Variants in CHD7 observed in about 807,000 individuals in gnomAD.
CHD7 encodes ATP-dependent chromatin remodeler CHD7.
In CHD7, 24 loss-of-function variants were observed where a neutral mutation model predicts 307.3. The ratio of observed to expected loss-of-function variants is 0.08; its 90% CI spans 0.06 to 0.11. The LOEUF (loss-of-function observed/expected upper bound fraction) is 0.11. Ranked by LOEUF, CHD7 falls within the 10% of genes least tolerant of loss-of-function variation. The pLI is 1.00. For missense variants in CHD7, 3,106 were observed against 3,727.1 expected, an observed-to-expected ratio of 0.83 and a Z score of 4.34; for synonymous variants, 1,363 against 1,349.9, an observed-to-expected ratio of 1.01 and a Z score of -0.21.
chr8:60,830,494 G>A lies in CHD7; in HGVS notation c.3695G>A (p.Gly1232Asp), dbSNP rs759363907. Reference protein sequence around the residue: ...LEKNFTFLSKGGGQANVPNLL... With the variant: ...LEKNFTFLSKDGGQANVPNLL... ...AAGAATTTCACATTTCTTTCCAAAG[G>A]CGGTGGTCAAGCTAACGTACCTAAC... Residue 1232 changes from glycine (G) to aspartate (D), a missense_variant, in exon 15 of 38, where the codon GGC (glycine) becomes GAC (aspartate). Gly to Asp is a moderately conservative substitution (Grantham distance 94). Around this residue, in one of 10 missense-constraint regions of CHD7, gnomAD observed 232 missense variants for 422.5 expected, o/e 0.55. Coordinates refer to ENST00000423902, the MANE Select transcript of CHD7 (RefSeq NM_017780.4). The A allele has an allele frequency of 4.3e-6, 7 of 1,613,830 alleles. No individual in the cohort carries two copies. Among genetic ancestry groups the A allele is most frequent in the African/African-American group, 4.0e-5 (3 of 74,900 alleles).
intron 6 of CHD7, among the ~76,000 whole-genome samples, chr8:60,802,830 G>A (rs1031646897): frequency 2.0e-5 from 3 of 152,192 alleles, no homozygotes; most frequent in Non-Finnish European, 4.4e-5. Flanking sequence ...TATTGCACCA[G>A]CAGTAAACTT....
At chr8:60,864,403 A>T (rs1309658620) in intron 37 of CHD7, 1 of 152,624 alleles carries the variant, frequency 6.6e-6, no homozygotes, top group Non-Finnish European at 1.5e-5. Context: ...TACAAGCATG[A>T]ACCACGGCAC....
intron 1 of CHD7, among the ~76,000 whole-genome samples, chr8:60,704,263 A>T (rs1476662747): frequency 1.3e-5 from 2 of 152,176 alleles, no homozygotes; most frequent in Non-Finnish European, 2.9e-5. Context: ...AGTGTTGGGG[A>T]TGCAGGGGCG....
At chr8:60,826,090 A>G (rs968286578) in intron 13 of CHD7, among the ~76,000 whole-genome samples, 2 of 152,158 alleles carry the variant, frequency 1.3e-5, no homozygotes, top group African/African-American at 4.8e-5. Flanking sequence ...TTCCTATTAC[A>G]TATTGCAGTG....
chr8:60,697,148 C>T (rs959145447), intron 1 of CHD7, among the ~76,000 whole-genome samples: 7 of 152,130 alleles, frequency 4.6e-5, no homozygotes, highest in Admixed American at 4.6e-4. Context: ...GGAAGAGAAG[C>T]CTCTTGAGAC....
In CHD7 at chr8:60,678,794, G is replaced by GGCGGCA. The variant is rs1294958464; in HGVS notation, c.-458_-457insAGCGGC. The stretch of plus-strand genomic sequence containing the variant: ...CGGCGGCGGCGGCGGCGGCGGCAGC[G>GGCGGCA]GCGGCGGCGGCGGCGGCGCGGGGGT... On this transcript the variant is annotated 5_prime_UTR_variant, in exon 1 of 38. Coordinates refer to ENST00000423902, the MANE Select transcript of CHD7 (RefSeq NM_017780.4). 3.7e-5 allele frequency: 3 copies of GGCGGCA among 80,108 alleles called. No homozygotes were observed. Among genetic ancestry groups the GGCGGCA allele is most frequent in the Non-Finnish European group, 5.3e-5 (2 of 37,804 alleles). 5.0% of individuals were successfully genotyped at this position (80,108 alleles called of 1,614,324 possible).
chr8:60,778,985 A>G (rs1811078289), intron 2 of CHD7, among the ~76,000 whole-genome samples: 4 of 152,182 alleles, frequency 2.6e-5, no homozygotes, highest in Admixed American at 2.6e-4. Flanking sequence ...AAATCTGCTC[A>G]TGTAGATCTA....
intron 1 of CHD7, among the ~76,000 whole-genome samples, chr8:60,689,435 T>C (rs1431558664): frequency 1.3e-5 from 2 of 152,238 alleles, no homozygotes. Context: ...TAATAATTGC[T>C]ATTTTACAGG....
chr8:60,849,434 C>T (rs1038332698), intron 25 of CHD7, among the ~76,000 whole-genome samples: 4 of 152,196 alleles, frequency 2.6e-5, no homozygotes, highest in Non-Finnish European at 5.9e-5. Flanking sequence ...TGTACTATAG[C>T]TCTCCCTAAA....
intron 23 of CHD7, 77 bp downstream of exon 23, chr8:60,845,486 A>C: frequency 6.8e-7 from 1 of 1,463,348 alleles, no homozygotes; most frequent in Non-Finnish European, 9.3e-7. Flanking sequence ...CCGGCCCTTC[A>C]CGTCTGCAGA....
rs777847508 is a variant in CHD7, at chr8:60,856,501, C to T, written c.7221C>T (p.Ile2407=). The T allele has an allele frequency of 1.4e-5, 23 of 1,613,580 alleles. No homozygotes were observed. The highest frequency in any genetic ancestry group is 8.8e-5 in the South Asian group (8 of 91,060). ...PRQRRRRRRK[I]EIEAERAAKR... Reference sequence around the variant, plus strand: ...AGCGGAGGAGGAGGAGGAGAAAAATCGAAATTGAGGCCGAAAGAGCTGCCA... The same window carrying T: ...AGCGGAGGAGGAGGAGGAGAAAAATTGAAATTGAGGCCGAAAGAGCTGCCA... The change falls in exon 34 of 38, where the codon ATC becomes ATT. Residue 2407 remains isoleucine, a synonymous_variant. Coordinates refer to ENST00000423902, the MANE Select transcript of CHD7 (RefSeq NM_017780.4).
At chr8:60,852,307 T>C (rs1805490692) in intron 29 of CHD7, 60 bp downstream of exon 29, 1 of 1,478,496 alleles carries the variant, frequency 6.8e-7, no homozygotes, top group Non-Finnish European at 9.3e-7. Flanking sequence ...CCTGCTCCTG[T>C]AGACCCACAA....
intron 19 of CHD7, 104 bp from the exon 20 acceptor site, chr8:60,841,540 T>C (rs1804975626): frequency 1.2e-6 from 1 of 836,422 alleles, no homozygotes; most frequent in African/African-American, 1.7e-5. Flanking sequence ...CTGGCATAAG[T>C]GGAGGAATGC....
At chr8:60,770,198 A>G (rs1245896323) in intron 2 of CHD7, among the ~76,000 whole-genome samples, 2 of 152,212 alleles carry the variant, frequency 1.3e-5, no homozygotes, top group Non-Finnish European at 2.9e-5. Context: ...TCTGTTCTGC[A>G]GTTGTTATTG....
At chr8:60,728,588 C>T (rs1050774162) in intron 1 of CHD7, among the ~76,000 whole-genome samples, 16 of 152,228 alleles carry the variant, frequency 1.1e-4, no homozygotes, top group Admixed American at 7.8e-4. Context: ...AGCAATGGCG[C>T]GATCTCGGCT....
intron 6 of CHD7, among the ~76,000 whole-genome samples, chr8:60,807,280 G>T (rs1045701920): frequency 3.3e-5 from 5 of 152,162 alleles, no homozygotes; most frequent in Admixed American, 6.5e-5. Context: ...CTCAAGGCAG[G>T]CTTGGGGTCT....
chr8:60,818,119 T>C (rs1165322659), intron 8 of CHD7, among the ~76,000 whole-genome samples: 1 of 152,216 alleles, frequency 6.6e-6, no homozygotes, highest in Non-Finnish European at 1.5e-5. Context: ...CCTCCCTCTC[T>C]TTTATACATG....
At chr8:60,681,959 T>G (rs1489367866) in intron 1 of CHD7, among the ~76,000 whole-genome samples, 1 of 152,230 alleles carries the variant, frequency 6.6e-6, no homozygotes, top group Non-Finnish European at 1.5e-5. Context: ...AATGGCCTTA[T>G]TTTTAAATTA....
At chr8:60,858,590 G>A (rs1024836421) in intron 34 of CHD7, among the ~76,000 whole-genome samples, 2 of 152,156 alleles carry the variant, frequency 1.3e-5, no homozygotes, top group Non-Finnish European at 2.9e-5. Context: ...TTCAATATTT[G>A]TAGGTTTTTT....
Sources: gnomAD v4.1 joint callset for allele counts (sites outside exome capture counted in the v4.1 genomes callset) on GRCh38, gnomAD v4.1.1 for gene constraint, gnomAD v4.1.1 regional missense constraint, MANE v1.5 for transcripts, NCBI Gene and HGNC (gene_info 2026-07-23, HGNC 2026-07-21) for gene names.